Variants in CUX2 observed in about 807,000 individuals in gnomAD.
The protein encoded by CUX2 is homeobox protein cut-like 2.
Under a neutral mutation model 144.8 loss-of-function variants are expected in CUX2, and 40 were observed. The ratio of observed to expected loss-of-function variants is 0.28; its 90% CI spans 0.21 to 0.36. CUX2 has a LOEUF of 0.36. Ranked by LOEUF, CUX2 falls within the 10% of genes least tolerant of loss-of-function variation. The pLI, the probability that CUX2 is intolerant of heterozygous loss-of-function variation, is 1.00. For missense variants in CUX2, 1,615 were observed against 1,994.0 expected (o/e 0.81, Z 3.62); for synonymous variants, 827 against 875.6 (o/e 0.94, Z 0.98).
chr12:111,251,226 A>G (rs1328166073), intron 3 of CUX2, among the ~76,000 whole-genome samples: 5 of 152,186 alleles, frequency 3.3e-5, no homozygotes, highest in African/African-American at 4.8e-5. Context: ...TAGCTGGTGA[A>G]TTACAAATGA....
chr12:111,086,479 ATT>A (rs2136048708), intron 1 of CUX2, among the ~76,000 whole-genome samples: 1 of 152,326 alleles, frequency 6.6e-6, no homozygotes, highest in South Asian at 2.1e-4. Context: ...GAACTGTCCA[ATT>A]TATCTTAGAA....
Position 111,322,498 on chromosome 12 carries a change from G to A in CUX2, c.2844G>A (p.Gly948=), listed in dbSNP as rs1306891148. The change falls in exon 18 of 22, where the codon GGG becomes GGA. Residue 948 remains glycine (G), a synonymous_variant. Transcript: ENST00000261726. The surrounding 1 kb of genome is among the most constrained non-coding windows in gnomAD (Gnocchi z 4.2). ...PKPWSKLTQK[G]REPFIRMQLW... is the part of the protein sequence containing the mutation. ...CATGGAGCAAGCTGACGCAGAAGGG[G>A]CGGGAGCCCTTCATCCGCATGCAGC... 1 of 1,603,530 alleles carries A rather than the reference G, an allele frequency of 6.2e-7. No individual in the cohort carries two copies. Among genetic ancestry groups the A allele is most frequent in the Non-Finnish European group, 8.5e-7 (1 of 1,176,648 alleles).
In CUX2 at chr12:111,263,873, T is replaced by C; in HGVS notation, c.301+34T>C. The C allele has an allele frequency of 6.4e-7, 1 of 1,565,368 alleles. No homozygotes were observed. Among genetic ancestry groups the C allele is most frequent in the Non-Finnish European group, 8.8e-7 (1 of 1,135,752 alleles). On this transcript the variant is annotated intron_variant, in intron 4 of 21. Coordinates refer to ENST00000261726, the MANE Select transcript of CUX2 (RefSeq NM_015267.4). The surrounding 1 kb of genome is among the most constrained non-coding windows in gnomAD (Gnocchi z 4.0). Reference sequence around the variant, plus strand: ...TGCTTGGGCTCCGTAATTGAATAGTTAACGACAATAAATAGCCATTAGGAC... The same window carrying C: ...TGCTTGGGCTCCGTAATTGAATAGTCAACGACAATAAATAGCCATTAGGAC...
At chr12:111,222,153 T>G (rs570775419) in intron 3 of CUX2, among the ~76,000 whole-genome samples, 1 of 152,346 alleles carries the variant, frequency 6.6e-6, no homozygotes, top group South Asian at 2.1e-4. Flanking sequence ...CGCAGTTACA[T>G]ATCATTAACC....
Position 111,304,168 on chromosome 12 carries a change from G to C in CUX2, c.754-42G>C. 1 of 1,521,214 alleles carries C rather than the reference G, an allele frequency of 6.6e-7. No homozygotes were observed. The highest frequency in any genetic ancestry group is 9.0e-7 in the Non-Finnish European group (1 of 1,105,588). The allele number at this position is 1,521,214 out of a possible 1,614,324, so 94.2% of individuals were successfully genotyped here. ...AGTGCAGGGAGAAGGTGGAAGTGCAGAGTGGGCTCACCTCTCGCCCACACT... is the reference window on the plus strand; with the variant it reads ...AGTGCAGGGAGAAGGTGGAAGTGCACAGTGGGCTCACCTCTCGCCCACACT... On this transcript the variant is annotated intron_variant, in intron 9 of 21. Coordinates refer to ENST00000261726, the MANE Select transcript of CUX2 (RefSeq NM_015267.4). The surrounding 1 kb of genome is among the most constrained non-coding windows in gnomAD (Gnocchi z 4.7).
At chr12:111,167,196 C>T (rs1037186816) in intron 1 of CUX2, among the ~76,000 whole-genome samples, 7 of 152,132 alleles carry the variant, frequency 4.6e-5, no homozygotes, top group Admixed American at 3.9e-4. Context: ...TGGTTTGGCA[C>T]CAAGGGAAGC....
At chr12:111,234,369 T>C (rs1044194881) in intron 3 of CUX2, among the ~76,000 whole-genome samples, 1 of 152,186 alleles carries the variant, frequency 6.6e-6, no homozygotes, top group Non-Finnish European at 1.5e-5. Context: ...GCTCCTACTA[T>C]GCATTCTTCC....
At chr12:111,215,455 T>TAGG (rs1881481238) in intron 2 of CUX2, among the ~76,000 whole-genome samples, 1 of 152,166 alleles carries the variant, frequency 6.6e-6, no homozygotes, top group Admixed American at 6.5e-5. Context: ...GAGAAGGGAC[T>TAGG]AGGATCTAGC....
chr12:111,250,472 C>T lies in CUX2; in HGVS notation c.223-13289C>T, dbSNP rs1045245829. 3.9e-5 allele frequency among the ~76,000 whole-genome samples: 6 copies of T among 152,112 alleles called. No individual in the cohort carries two copies. In the East Asian group the frequency reaches 5.8e-4, roughly 15 times the overall value. On this transcript the variant is annotated intron_variant, in intron 3 of 21. Coordinates refer to ENST00000261726, the MANE Select transcript of CUX2 (RefSeq NM_015267.4). ...TTGGAGGCTCAGATGCGCTAATTCC[C>T]GTGAAAGGTCTTTGTAAGCTATAAA...
At chr12:111,204,367 T>C (rs1281591465) in intron 1 of CUX2, among the ~76,000 whole-genome samples, 1 of 152,202 alleles carries the variant, frequency 6.6e-6, no homozygotes, top group Non-Finnish European at 1.5e-5. Flanking sequence ...ATGCTCCATG[T>C]GCGCAGGACC....
At chr12:111,075,777 G>C (rs1043302300) in intron 1 of CUX2, among the ~76,000 whole-genome samples, 13 of 152,236 alleles carry the variant, frequency 8.5e-5, no homozygotes, top group African/African-American at 2.9e-4. Flanking sequence ...CAAGGCCCAG[G>C]GTGTCCGAGT....
chr12:111,185,663 C>T (rs779297389), intron 1 of CUX2, among the ~76,000 whole-genome samples: 12 of 152,262 alleles, frequency 7.9e-5, no homozygotes, highest in Non-Finnish European at 1.0e-4. Context: ...GAGGGGACCC[C>T]GGCACACACT....
chr12:111,153,810 G>T (rs996934314), intron 1 of CUX2, among the ~76,000 whole-genome samples: 16 of 152,168 alleles, frequency 1.1e-4, no homozygotes, highest in Admixed American at 4.6e-4. Flanking sequence ...CCATGACCAA[G>T]TGCCACACCT....
intron 1 of CUX2, among the ~76,000 whole-genome samples, chr12:111,129,242 A>G (rs769652885): frequency 2.0e-5 from 3 of 152,270 alleles, no homozygotes; most frequent in Non-Finnish European, 4.4e-5. Context: ...ACAAGGTCCA[A>G]TAAGCATAGT....
chr12:111,229,983 C>A (rs1882379860), intron 3 of CUX2, among the ~76,000 whole-genome samples: 1 of 148,062 alleles, frequency 6.8e-6, no homozygotes. Flanking sequence ...CACTGCACTC[C>A]AGCCTGGATG....
At chr12:111,148,517 T>C (rs1023433465) in intron 1 of CUX2, among the ~76,000 whole-genome samples, 6 of 152,160 alleles carry the variant, frequency 3.9e-5, no homozygotes, top group African/African-American at 1.2e-4. Context: ...ATGGTTAAAA[T>C]TGTAAATTTT....
chr12:111,143,044 C>G (rs935155392), intron 1 of CUX2, among the ~76,000 whole-genome samples: 1 of 152,198 alleles, frequency 6.6e-6, no homozygotes, highest in African/African-American at 2.4e-5. Flanking sequence ...CTCCTTCTCT[C>G]TCTACAAATG....
intron 1 of CUX2, among the ~76,000 whole-genome samples, chr12:111,185,218 G>A (rs1184270403): frequency 2.0e-5 from 3 of 152,260 alleles, no homozygotes; most frequent in African/African-American, 7.2e-5. Flanking sequence ...AGAAGACTTT[G>A]ATGTTGAATT....
chr12:111,287,180 G>A lies in CUX2; in HGVS notation c.302-4238G>A, dbSNP rs955071934. 5.3e-5 allele frequency among the ~76,000 whole-genome samples: 8 copies of A among 152,240 alleles called. No homozygotes were observed. The highest frequency in any genetic ancestry group is 8.8e-5 in the Non-Finnish European group (6 of 68,044). The stretch of plus-strand genomic sequence containing the variant: ...GACCCAGAGGGCCTCGGAGTAGAAC[G>A]AAATGTCAATACCTAATCCCTGCGA... On this transcript the variant is annotated intron_variant, in intron 4 of 21. Transcript: ENST00000261726. This position sits in a 1 kb window ranked among gnomAD's most constrained non-coding sequence, Gnocchi z 4.2.
Sources: gnomAD v4.1 joint callset for allele counts (sites outside exome capture counted in the v4.1 genomes callset) on GRCh38, gnomAD v4.1.1 for gene constraint, Gnocchi (gnomAD v3.1) non-coding constraint, MANE v1.5 for transcripts, NCBI Gene and HGNC (gene_info 2026-07-23, HGNC 2026-07-21) for gene names.